Variants in ZNF135 observed in about 807,000 individuals in gnomAD.
The protein encoded by ZNF135 is zinc finger protein 135 (clone pHZ-17).
Under a neutral mutation model 12.3 loss-of-function variants are expected in ZNF135, and 11 were observed. The ratio of observed to expected loss-of-function variants is 0.89; its 90% CI spans 0.56 to 1.48. The LOEUF is 1.48. Among genes scored for constraint, ZNF135 ranks in the 40% most tolerant of loss-of-function variants. The pLI, the probability that ZNF135 is intolerant of heterozygous loss-of-function variation, is 0.00. For synonymous variants in ZNF135, 316 were observed against 312.0 expected (o/e 1.01, Z -0.14); for missense variants, 722 against 815.7 (o/e 0.89, Z 1.40).
intron 3 of ZNF135, among the ~76,000 whole-genome samples, chr19:58,062,535 A>G (rs1314942820): frequency 1.4e-5 from 2 of 143,490 alleles, no homozygotes; most frequent in Non-Finnish European, 3.0e-5. Context: ...GGTGCCCACC[A>G]CCACGCCTGG....
rs2073932279 is a variant in ZNF135 at position 58,059,607 on chromosome 19, C to T, written c.-35+297C>T. 1 of 523,236 alleles carries T rather than the reference C, an allele frequency of 1.9e-6. No individual in the cohort carries two copies. The highest frequency in any genetic ancestry group is 3.3e-6 in the Non-Finnish European group (1 of 299,244). The allele number at this position is 523,236 out of a possible 1,614,324, so 32.4% of individuals were successfully genotyped here. On this transcript the variant is annotated intron_variant, in intron 1 of 4. Transcript: ENST00000313434. This position sits in a 1 kb window ranked among gnomAD's most constrained non-coding sequence, Gnocchi z 6.5. ...CGCCCCGCCCCTGGCCCCACCTCTG[C>T]CCCACACCGGGCACTGGGCCGCCAC...
In ZNF135 at chr19:58,063,506, C is replaced by T. The variant is rs776610394; in HGVS notation, c.221C>T (p.Ala74Val). Residue 74 changes from alanine to valine, a missense_variant, in exon 4 of 5, where the codon GCG becomes GTG. By Grantham distance (64) the Ala-to-Val change is moderately conservative. Coordinates refer to ENST00000313434, the MANE Select transcript of ZNF135 (RefSeq NM_001289401.2). This position sits in a 1 kb window ranked among gnomAD's most constrained non-coding sequence, Gnocchi z 4.4. ...SLLEQEAELWAVESRLPQGVY... is the reference protein window; with the variant it reads ...SLLEQEAELWVVESRLPQGVY... ...CTGGAGCAAGAGGCAGAGCTGTGGG[C>T]GGTGGAGTCTAGACTTCCCCAAGGC... 2.0e-5 allele frequency: 33 copies of T among 1,613,968 alleles called. No homozygotes were observed. Among genetic ancestry groups the T allele is most frequent in the Middle Eastern group, 3.3e-4 (2 of 6,082 alleles).
At chr19:58,061,806 C>A in intron 3 of ZNF135, 100 bp downstream of exon 3, 1 of 1,431,256 alleles carries the variant, frequency 7.0e-7, no homozygotes, top group Non-Finnish European at 9.3e-7. Context: ...AAAGCAAATG[C>A]CTGGGGCTGT....
rs756912190 is a variant in ZNF135 at position 58,060,258 on chromosome 19, T to A, written c.33+223T>A. On this transcript the variant is annotated intron_variant, in intron 2 of 4. Coordinates refer to ENST00000313434, the MANE Select transcript of ZNF135 (RefSeq NM_001289401.2). The surrounding 1 kb of genome is among the most constrained non-coding windows in gnomAD (Gnocchi z 4.9). ...ACCTGGCCTCTACTGGTGCCCGGCC[T>A]CTACTCGTGCCCGGCCTCTATTTGC... 852 of 328,486 alleles carry A rather than the reference T, an allele frequency of 2.6e-3. 6 individuals carry two copies. In the Middle Eastern group the frequency reaches 0.045, roughly 17 times the overall value. 20.3% of individuals were successfully genotyped at this position (328,486 alleles called of 1,614,324 possible).
At position 58,061,640 on chromosome 19, in the gene ZNF135, A is replaced by C; in HGVS notation, c.94A>C (p.Lys32Gln). ...CAGCCAGGAGGAGTGGGGGCAGCTG[A>C]AGCCTGCCCAGAGGACCCTGTACCG... is the stretch of plus-strand genomic sequence containing the variant. ...GFSQEEWGQLKPAQRTLYRDV... is the reference protein window; with the variant it reads ...GFSQEEWGQLQPAQRTLYRDV... Residue 32 changes from lysine (K) to glutamine (Q), a missense_variant, in exon 3 of 5, where the codon AAG (lysine) becomes CAG (glutamine). By Grantham distance (53) the Lys-to-Gln change is moderately conservative. Transcript: ENST00000313434. The C allele has an allele frequency of 6.2e-7, 1 of 1,613,612 alleles. No individual in the cohort carries two copies. The highest frequency in any genetic ancestry group is 8.5e-7 in the Non-Finnish European group (1 of 1,179,782).
chr19:58,066,477 A>G (rs902753665), intron 4 of ZNF135, among the ~76,000 whole-genome samples: 38 of 151,936 alleles, frequency 2.5e-4, no homozygotes, highest in African/African-American at 9.2e-4. Context: ...CCTTGTGCCA[A>G]CTGTTTTTTC....
In ZNF135 at chr19:58,060,623, C is replaced by G. The variant is rs559606659; in HGVS notation, c.33+588C>G. Among the ~76,000 whole-genome samples, 97 of 152,240 alleles carry G rather than the reference C, an allele frequency of 6.4e-4. No homozygotes were observed. Among genetic ancestry groups the G allele is most frequent in the African/African-American group, 2.3e-3 (96 of 41,554 alleles). On this transcript the variant is annotated intron_variant, in intron 2 of 4. Transcript: ENST00000313434. This position sits in a 1 kb window ranked among gnomAD's most constrained non-coding sequence, Gnocchi z 4.9. ...CTCGCCTTTTTATGATGACATTAAC[C>G]CCACCCATAAGCCACCAGAAGAAAC...
Position 58,064,587 on chromosome 19 carries a change from T to C in ZNF135, c.256+1046T>C, listed in dbSNP as rs1218094519. ...CATTATATAATACATATACAAAATA[T>C]GTGTTAATTAAGGGCTGGGAGCAGT... On this transcript the variant is annotated intron_variant, in intron 4 of 4. Transcript: ENST00000313434. 1.4e-4 allele frequency among the ~76,000 whole-genome samples: 21 copies of C among 152,138 alleles called. 1 individual carries two copies. In the East Asian group the frequency reaches 3.1e-3, roughly 22 times the overall value.
At position 58,059,893 on chromosome 19, in the gene ZNF135, C is replaced by T. The variant is rs2073938277; in HGVS notation, c.-34-76C>T. 6 of 1,563,504 alleles carry T rather than the reference C, an allele frequency of 3.8e-6. No homozygotes were observed. The highest frequency in any genetic ancestry group is 1.9e-4 in the Middle Eastern group (1 of 5,382). ...GGCTCTCCGCGGAGCTCCCCAGGCT[C>T]TGGCGCAGTTCCCCGGCTTGGGGAC... On this transcript the variant is annotated intron_variant, in intron 1 of 4. Coordinates refer to ENST00000313434, the MANE Select transcript of ZNF135 (RefSeq NM_001289401.2). The surrounding 1 kb of genome is among the most constrained non-coding windows in gnomAD (Gnocchi z 6.5).
In ZNF135 at chr19:58,060,500, T is replaced by A; in HGVS notation, c.33+465T>A. On this transcript the variant is annotated intron_variant, in intron 2 of 4. Transcript: ENST00000313434. This position sits in a 1 kb window ranked among gnomAD's most constrained non-coding sequence, Gnocchi z 4.9. ...GTCAGAAAATTGTAGGTGCCCCGGC[T>A]CTGCAGTCTGAAGTTGAAGGCCTTA... 1 of 1,004,272 alleles carries A rather than the reference T, an allele frequency of 1.0e-6. No individual in the cohort carries two copies. Among genetic ancestry groups the A allele is most frequent in the Non-Finnish European group, 1.2e-6 (1 of 825,158 alleles). The allele number at this position is 1,004,272 out of a possible 1,614,324, so 62.2% of individuals were successfully genotyped here.
At position 58,059,923 on chromosome 19, in the gene ZNF135, G is replaced by C; in HGVS notation, c.-34-46G>C. On this transcript the variant is annotated intron_variant, in intron 1 of 4. Transcript: ENST00000313434. This position sits in a 1 kb window ranked among gnomAD's most constrained non-coding sequence, Gnocchi z 6.5. ...GCAGTTCCCCGGCTTGGGGACCTGA[G>C]CACCGCCTCTGCCTGCCCCAGCTGC... 1 of 1,604,380 alleles carries C rather than the reference G, an allele frequency of 6.2e-7. No homozygotes were observed. The highest frequency in any genetic ancestry group is 8.5e-7 in the Non-Finnish European group (1 of 1,175,990).
rs776798006 is a variant in ZNF135 at position 58,067,233 on chromosome 19, G to C, written c.749G>C (p.Gly250Ala). The C allele has an allele frequency of 5.0e-6, 8 of 1,613,922 alleles. No homozygotes were observed. Among genetic ancestry groups the C allele is most frequent in the South Asian group, 3.3e-5 (3 of 91,082 alleles). The change falls in exon 5 of 5, where the codon GGC becomes GCC. Residue 250 changes from glycine (G) to alanine (A), a missense_variant. Transcript: ENST00000313434. ...RPYECHECLK[G>A]FRNSSALTKH... Reference sequence around the variant, plus strand: ...TACGAATGTCACGAATGCTTAAAAGGCTTCCGGAACAGCTCGGCACTTACC... The same window carrying C: ...TACGAATGTCACGAATGCTTAAAAGCCTTCCGGAACAGCTCGGCACTTACC...
rs2074084862 is a variant in ZNF135, at chr19:58,067,216, T to A, written c.732T>A (p.Cys244Ter). Reference protein sequence around the residue: ...RTHTGERPYECHECLKGFRNS... With the variant: ...RTHTGERPYE ...ACACAGGAGAGAGACCTTACGAATG[T>A]CACGAATGCTTAAAAGGCTTCCGGA... The change falls in exon 5 of 5, where the codon TGT (cysteine) becomes TGA (stop). Residue 244 changes from cysteine to a stop codon, truncating the protein, a stop_gained. Coordinates refer to ENST00000313434, the MANE Select transcript of ZNF135 (RefSeq NM_001289401.2). LOFTEE classifies it low-confidence loss of function (END_TRUNC). The A allele has an allele frequency of 6.2e-7, 1 of 1,613,936 alleles. No individual in the cohort carries two copies. Among genetic ancestry groups the A allele is most frequent in the African/African-American group, 1.3e-5 (1 of 74,980 alleles).
rs1361220447 is a variant in ZNF135, at chr19:58,059,976, C to T, written c.-27C>T. On this transcript the variant is annotated 5_prime_UTR_variant, in exon 2 of 5. Coordinates refer to ENST00000313434, the MANE Select transcript of ZNF135 (RefSeq NM_001289401.2). The surrounding 1 kb of genome is among the most constrained non-coding windows in gnomAD (Gnocchi z 6.5). ...ACCTCCCCTTTCCCACAGAGCAGGG[C>T]CAGCCGTTCCTGCCAGAAGCCAGGG... The T allele has an allele frequency of 8.1e-6, 13 of 1,613,080 alleles. No individual in the cohort carries two copies. The highest frequency in any genetic ancestry group is 1.3e-5 in the African/African-American group (1 of 74,914).
chr19:58,068,389 A>G lies in ZNF135; in HGVS notation c.1905A>G (p.Ala635=), dbSNP rs747400650. 2.4e-5 allele frequency: 39 copies of G among 1,614,080 alleles called. No individual in the cohort carries two copies. The highest frequency in any genetic ancestry group is 1.3e-4 in the East Asian group (6 of 44,894). ...TCCACACAGGAGAGAAGCCATATGC[A>G]TGCAGGGACTGTGGAAAGGCCTTTA... is the stretch of plus-strand genomic sequence containing the variant. ...RRIHTGEKPY[A]CRDCGKAFTH... The change falls in exon 5 of 5, where the codon GCA becomes GCG. Residue 635 remains alanine (A), a synonymous_variant. Transcript: ENST00000313434.
rs1297678463 is a variant in ZNF135 at position 58,061,689 on chromosome 19, G to C, written c.143G>C (p.Arg48Thr). The C allele has an allele frequency of 1.2e-6, 2 of 1,613,056 alleles. No individual in the cohort carries two copies. ...CGTGATGTAATGCTGGACACCTTCA[G>C]GCTTCTGGTCTCTGTGGGTAAGGCC... ...LYRDVMLDTFRLLVSVGHWLP... is the reference protein window; with the variant it reads ...LYRDVMLDTFTLLVSVGHWLP... Residue 48 changes from arginine to threonine, a missense_variant, in exon 3 of 5, where the codon AGG becomes ACG. Arg to Thr is a moderately conservative substitution (Grantham distance 71). Coordinates refer to ENST00000313434, the MANE Select transcript of ZNF135 (RefSeq NM_001289401.2).
At chr19:58,061,750 C>G in intron 3 of ZNF135, 44 bp downstream of exon 3, 1 of 1,559,794 alleles carries the variant, frequency 6.4e-7, no homozygotes, top group Non-Finnish European at 8.6e-7. Flanking sequence ...GTCCCTGACA[C>G]GGATTCTGAT....
At chr19:58,061,077 A>G (rs901458933) in intron 2 of ZNF135, among the ~76,000 whole-genome samples, 5 of 151,972 alleles carry the variant, frequency 3.3e-5, no homozygotes, top group East Asian at 1.9e-4. Context: ...GCAGTGAGCC[A>G]AGATCATGCC....
rs1401479151 is a variant in ZNF135, at chr19:58,068,754, A to G, written c.*293A>G. ...GTGCTATGTTATAGAACCTACAAAA[A>G]AGAAATGGAACAAATGTAGTGGATC... On this transcript the variant is annotated 3_prime_UTR_variant, in exon 5 of 5. Coordinates refer to ENST00000313434, the MANE Select transcript of ZNF135 (RefSeq NM_001289401.2). 5 of 297,826 alleles carry G rather than the reference A, an allele frequency of 1.7e-5. No individual in the cohort carries two copies. The highest frequency in any genetic ancestry group is 3.1e-5 in the Non-Finnish European group (5 of 158,934). 18.4% of individuals were successfully genotyped at this position (297,826 alleles called of 1,614,324 possible).
Sources: gnomAD v4.1 joint callset for allele counts (sites outside exome capture counted in the v4.1 genomes callset) on GRCh38, gnomAD v4.1.1 for gene constraint, Gnocchi (gnomAD v3.1) non-coding constraint, MANE v1.5 for transcripts, NCBI Gene and HGNC (gene_info 2026-07-23, HGNC 2026-07-21) for gene names.